Variants in CD200R1L observed in about 807,000 individuals in gnomAD.
The protein encoded by CD200R1L is CD200 receptor 1 like, also known as cell surface glycoprotein CD200 receptor 2.
CD200R1L carries 14 observed loss-of-function variants against 24.8 expected under a neutral mutation model. That is an observed-to-expected ratio of 0.56 (90% CI 0.37 to 0.88). CD200R1L has a LOEUF of 0.88. Among genes scored for constraint, CD200R1L ranks in the 40% least tolerant of loss-of-function variants. The probability of loss-of-function intolerance (pLI) is 0.00; values close to 1 mark genes in which losing one functional copy is unlikely to be tolerated. For missense variants in CD200R1L, 299 were observed against 297.8 expected (o/e 1.00, Z -0.03); for synonymous variants, 111 against 109.2 (o/e 1.02, Z -0.11).
At position 112,829,370 on chromosome 3, in the gene CD200R1L, A is replaced by C. The variant is rs771718304; in HGVS notation, c.-3T>G. The C allele has an allele frequency of 6.2e-6, 10 of 1,613,922 alleles. No individual in the cohort carries two copies. In the Admixed American group the frequency reaches 1.3e-4, roughly 22 times the overall value. ...TGTGTCATCTGCTTTCCACCCATGC[A>C]TGAACTACTTGAAGCTAGAAAACAT... is the stretch of plus-strand genomic sequence containing the variant. On this transcript the variant is annotated 5_prime_UTR_variant, in exon 4 of 8. An upstream start codon of the reference 5' UTR is lost. Coordinates refer to ENST00000488794, the MANE Select transcript of CD200R1L (RefSeq NM_001199215.3).
At chr3:112,835,950 C>T (rs1044690956) in intron 3 of CD200R1L, among the ~76,000 whole-genome samples, 5 of 152,238 alleles carry the variant, frequency 3.3e-5, no homozygotes, top group African/African-American at 9.6e-5. Flanking sequence ...GGCTGCACCC[C>T]CTCTCTGTGT....
intron 3 of CD200R1L, among the ~76,000 whole-genome samples, chr3:112,835,757 TATTGGTGCCCAA>T (rs1349572314): frequency 1.3e-5 from 2 of 152,194 alleles, no homozygotes; most frequent in Non-Finnish European, 2.9e-5. Flanking sequence ...CTCCCATGCT[TATTGGTGCCCAA>T]AGTCTGGAGG....
chr3:112,833,961 G>C (rs6438108), intron 3 of CD200R1L, among the ~76,000 whole-genome samples: 18,113 of 152,228 alleles, frequency 0.12, 1,590 homozygotes, highest in African/African-American at 0.24. Flanking sequence ...AAATGGTTTG[G>C]CTTGTTTGGT....
intron 3 of CD200R1L, among the ~76,000 whole-genome samples, chr3:112,834,234 CTTTTTT>C (rs5851866): frequency 2.1e-5 from 2 of 93,346 alleles, no homozygotes; most frequent in Admixed American, 1.1e-4. Flanking sequence ...CACCATCATT[CTTTTTT>C]TTTTTTTTTT....
chr3:112,835,304 G>T (rs1298767491), intron 3 of CD200R1L, among the ~76,000 whole-genome samples: 1 of 152,138 alleles, frequency 6.6e-6, no homozygotes, highest in East Asian at 1.9e-4. Flanking sequence ...CCCTAGAGTG[G>T]GTAGCTCCTC....
chr3:112,833,797 T>C (rs1460099906), intron 3 of CD200R1L, among the ~76,000 whole-genome samples: 1 of 152,162 alleles, frequency 6.6e-6, no homozygotes, highest in Non-Finnish European at 1.5e-5. Context: ...GGGTTATGGA[T>C]GGGTTGCCTC....
intron 2 of CD200R1L, among the ~76,000 whole-genome samples, chr3:112,838,451 AT>A (rs1939008482): frequency 6.7e-6 from 1 of 150,092 alleles, no homozygotes; most frequent in Admixed American, 6.7e-5. Flanking sequence ...CCTGTTTCAA[AT>A]GCATGGCTGA....
chr3:112,817,837 G>C (rs6808927), intron 7 of CD200R1L, among the ~76,000 whole-genome samples: 137,921 of 152,284 alleles, frequency 0.91, 62,817 homozygotes, highest in Non-Finnish European at 0.96. Flanking sequence ...AAGACATACC[G>C]AAAACTTGGA....
chr3:112,829,896 A>C (rs66843034), intron 3 of CD200R1L, among the ~76,000 whole-genome samples: 23,594 of 152,182 alleles, frequency 0.16, 2,009 homozygotes, highest in Admixed American at 0.2. Context: ...GTTGCTACTC[A>C]AATGTGCCTA....
chr3:112,822,903 G>A (rs977211175), intron 6 of CD200R1L, among the ~76,000 whole-genome samples: 1 of 152,162 alleles, frequency 6.6e-6, no homozygotes, highest in Admixed American at 6.5e-5. Flanking sequence ...GGGTGCCAGG[G>A]AAGACGTATT....
At chr3:112,825,405 TA>T (rs767380369) in intron 6 of CD200R1L, among the ~76,000 whole-genome samples, 4 of 148,854 alleles carry the variant, frequency 2.7e-5, no homozygotes, top group Non-Finnish European at 5.9e-5. Flanking sequence ...AATTAGTAAA[TA>T]TTATATAAAA....
At position 112,827,470 on chromosome 3, in the gene CD200R1L, G is replaced by C. The variant is rs1187466192; in HGVS notation, c.264C>G (p.Asp88Glu). Residue 88 changes from aspartate to glutamate, a missense_variant, in exon 5 of 8, where the codon GAC (aspartate) becomes GAG (glutamate). Physicochemically the swap from Asp to Glu is conservative, Grantham distance 45. Transcript: ENST00000488794. The stretch of plus-strand genomic sequence containing the variant: ...TGGTGTCCACCGGACGAATCTGAAG[G>C]TCCGAATTCTGATCAGGTCTAGAGA... ...TWVSRPDQNSDLQIRPVDTTH... is the reference protein window; with the variant it reads ...TWVSRPDQNSELQIRPVDTTH... 9 of 1,614,010 alleles carry C rather than the reference G, an allele frequency of 5.6e-6. No individual in the cohort carries two copies. The highest frequency in any genetic ancestry group is 5.9e-6 in the Non-Finnish European group (7 of 1,180,026).
intron 5 of CD200R1L, 32 bp downstream of exon 5, chr3:112,827,335 T>G (rs991316634): frequency 1.3e-6 from 2 of 1,596,752 alleles, no homozygotes; most frequent in Non-Finnish European, 1.7e-6. Flanking sequence ...AATCTGGTGA[T>G]GTGAAATACC....
chr3:112,824,460 C>A (rs1461797589), intron 6 of CD200R1L, among the ~76,000 whole-genome samples: 5 of 152,032 alleles, frequency 3.3e-5, no homozygotes, highest in Admixed American at 2.0e-4. Flanking sequence ...GAAATCTGAG[C>A]AGAACTATAG....
At chr3:112,835,506 G>A (rs536490703) in intron 3 of CD200R1L, among the ~76,000 whole-genome samples, 80 of 152,344 alleles carry the variant, frequency 5.3e-4, no homozygotes, top group African/African-American at 1.8e-3. Flanking sequence ...TGGTCCATGG[G>A]TGCCCATAGG....
intron 3 of CD200R1L, among the ~76,000 whole-genome samples, chr3:112,830,302 G>T (rs888658410): frequency 4.6e-5 from 7 of 152,040 alleles, no homozygotes; most frequent in Non-Finnish European, 8.8e-5. Context: ...TTCTCAAAGC[G>T]TGGTTTTCAG....
chr3:112,838,124 C>A, intron 2 of CD200R1L, 114 bp from the exon 3 acceptor site: 1 of 303,390 alleles, frequency 3.3e-6, no homozygotes, highest in Non-Finnish European at 5.7e-6. Context: ...CATTTCAATT[C>A]CTTAAATTAA....
intron 7 of CD200R1L, among the ~76,000 whole-genome samples, chr3:112,818,993 C>T (rs1010056900): frequency 3.3e-5 from 5 of 152,134 alleles, no homozygotes; most frequent in Non-Finnish European, 7.4e-5. Flanking sequence ...TTCCACATGG[C>T]TTAGGAGGCC....
chr3:112,828,649 C>A (rs1387023), intron 4 of CD200R1L, among the ~76,000 whole-genome samples: 141,363 of 152,182 alleles, frequency 0.93, 65,874 homozygotes, highest in Non-Finnish European at 0.96. Flanking sequence ...CAATCCAATT[C>A]TCAGGTGTAA....
Sources: gnomAD v4.1 joint callset for allele counts (sites outside exome capture counted in the v4.1 genomes callset) on GRCh38, gnomAD v4.1.1 for gene constraint, MANE v1.5 for transcripts, NCBI Gene and HGNC (gene_info 2026-07-23, HGNC 2026-07-21) for gene names.